ERC2: variants seen among roughly 807,000 people sequenced by gnomAD.
ERC2 encodes the protein ELKS/RAB6-interacting/CAST family member 2, also known as ERC protein 2.
A neutral mutation model predicts 114.8 loss-of-function variants in ERC2; 42 were observed. The ratio of observed to expected loss-of-function variants is 0.37; its 90% confidence interval spans 0.29 to 0.47. The LOEUF (loss-of-function observed/expected upper bound fraction) is 0.47, where lower values mean the gene tolerates loss of function less well. Among genes scored for constraint, ERC2 ranks in the 20% least tolerant of loss-of-function variants. ERC2 has a pLI of 0.99. For missense variants in ERC2, 939 were observed against 1,150.7 expected (o/e 0.82, Z 2.66); for synonymous variants, 454 against 425.5 (o/e 1.07, Z -0.82).
intron 12 of ERC2, among the ~76,000 whole-genome samples, chr3:55,955,576 ATTGC>A (rs1168847128): frequency 6.6e-6 from 1 of 152,210 alleles, no homozygotes; most frequent in Non-Finnish European, 1.5e-5. Context: ...ATTACAGTTC[ATTGC>A]TTATTGCTGA....
chr3:56,179,770 G>A (rs1249971961), intron 3 of ERC2, among the ~76,000 whole-genome samples: 1 of 151,930 alleles, frequency 6.6e-6, no homozygotes, highest in Non-Finnish European at 1.5e-5. Context: ...GGAACTAAGA[G>A]TTTTGGTTTT....
chr3:55,836,593 C>A lies in ERC2; in HGVS notation c.2564+51796G>T, dbSNP rs528458064. Reference sequence around the variant, plus strand: ...TGGATCCCTTCCTTACACCTTATACCAAAATTAATTCAAGATGGATTAAAG... The same window carrying A: ...TGGATCCCTTCCTTACACCTTATACAAAAATTAATTCAAGATGGATTAAAG... On this transcript the variant is annotated intron_variant, in intron 14 of 17. Transcript: ENST00000288221. 1.2e-3 allele frequency among the ~76,000 whole-genome samples: 183 copies of A among 151,962 alleles called. 2 individuals carry two copies. In the East Asian group the frequency reaches 0.027, roughly 22 times the overall value.
At chr3:56,271,341 T>G (rs909829892) in intron 3 of ERC2, among the ~76,000 whole-genome samples, 1 of 152,214 alleles carries the variant, frequency 6.6e-6, no homozygotes, top group African/African-American at 2.4e-5. Context: ...CCTGGAGATA[T>G]GGTTATGCAC....
At chr3:55,645,365 CAT>C (rs1223067137) in intron 17 of ERC2, among the ~76,000 whole-genome samples, 1 of 152,204 alleles carries the variant, frequency 6.6e-6, no homozygotes, top group African/African-American at 2.4e-5. Context: ...ATATTTGAGA[CAT>C]GTGCCACTTT....
At chr3:55,998,534 G>A (rs1217378784) in intron 10 of ERC2, among the ~76,000 whole-genome samples, 2 of 152,148 alleles carry the variant, frequency 1.3e-5, no homozygotes, top group Non-Finnish European at 2.9e-5. Flanking sequence ...CACATGCTAT[G>A]TGCATGCCTG....
rs115101437 is a variant in ERC2 at position 55,578,128 on chromosome 3, T to G, written c.*40-66852A>C. On this transcript the variant is annotated intron_variant, in intron 17 of 17. Coordinates refer to ENST00000288221, the MANE Select transcript of ERC2 (RefSeq NM_015576.3). ...CATCCTCATCTGAGTTCCCAGCATC[T>G]CTCATCTGACTTCTGCAGTGGTCTA... 2.5e-3 allele frequency among the ~76,000 whole-genome samples: 380 copies of G among 152,334 alleles called. 3 individuals carry two copies. Among genetic ancestry groups the G allele is most frequent in the African/African-American group, 8.3e-3 (344 of 41,578 alleles).
intron 2 of ERC2, among the ~76,000 whole-genome samples, chr3:56,357,382 C>T (rs991327714): frequency 3.3e-5 from 5 of 152,212 alleles, no homozygotes; most frequent in African/African-American, 1.2e-4. Flanking sequence ...AGGAACTTCA[C>T]AAGCTTGCCC....
chr3:55,921,341 G>T (rs572293510), intron 13 of ERC2, among the ~76,000 whole-genome samples: 1 of 152,120 alleles, frequency 6.6e-6, no homozygotes, highest in East Asian at 1.9e-4. Flanking sequence ...TGGGGAAGAG[G>T]GGGCAGGGTC....
At chr3:55,734,013 G>A (rs1285820655) in intron 15 of ERC2, among the ~76,000 whole-genome samples, 2 of 152,172 alleles carry the variant, frequency 1.3e-5, no homozygotes, top group Non-Finnish European at 2.9e-5. Context: ...AATATCATCT[G>A]AAAATTTCAT....
intron 2 of ERC2, among the ~76,000 whole-genome samples, chr3:56,327,655 A>G (rs2057424749): frequency 1.3e-5 from 2 of 152,138 alleles, no homozygotes; most frequent in South Asian, 4.1e-4. Context: ...CGGTCTGGAT[A>G]ACAGAGCAAG....
intron 2 of ERC2, among the ~76,000 whole-genome samples, chr3:56,368,712 C>G (rs557332934): frequency 6.6e-6 from 1 of 151,956 alleles, no homozygotes; most frequent in Non-Finnish European, 1.5e-5. Context: ...AATATTACAA[C>G]GGAATCATGT....
chr3:56,249,174 C>A (rs1365127819), intron 3 of ERC2, among the ~76,000 whole-genome samples: 1 of 152,204 alleles, frequency 6.6e-6, no homozygotes, highest in Non-Finnish European at 1.5e-5. Context: ...GGCCACTCAG[C>A]TTAGCCCACC....
chr3:56,422,438 G>A (rs1053600501), intron 2 of ERC2, among the ~76,000 whole-genome samples: 1 of 152,034 alleles, frequency 6.6e-6, no homozygotes, highest in Admixed American at 6.5e-5. Flanking sequence ...CTTCTGGATG[G>A]GTTTCCAAGA....
chr3:55,563,775 A>G (rs915645438), intron 17 of ERC2, among the ~76,000 whole-genome samples: 5 of 152,058 alleles, frequency 3.3e-5, no homozygotes, highest in Non-Finnish European at 5.9e-5. Context: ...AAAGATAGAG[A>G]GATAGACAGA....
chr3:56,059,082 T>G (rs2149702372), intron 7 of ERC2, among the ~76,000 whole-genome samples: 1 of 92,486 alleles, frequency 1.1e-5, no homozygotes, highest in Non-Finnish European at 2.5e-5. Flanking sequence ...AAGATATCTT[T>G]TTTTTATTTT....
At chr3:56,171,309 G>A (rs2082652685) in intron 4 of ERC2, among the ~76,000 whole-genome samples, 2 of 152,166 alleles carry the variant, frequency 1.3e-5, no homozygotes, top group South Asian at 4.1e-4. Context: ...TGGCTGGGAT[G>A]ACCCTCCACC....
intron 17 of ERC2, among the ~76,000 whole-genome samples, chr3:55,647,429 C>T (rs1464233247): frequency 1.3e-5 from 2 of 152,068 alleles, no homozygotes; most frequent in Non-Finnish European, 2.9e-5. Context: ...CACACACAGG[C>T]GCACCCACAA....
intron 6 of ERC2, among the ~76,000 whole-genome samples, chr3:56,128,609 G>A (rs954789087): frequency 6.6e-6 from 1 of 152,188 alleles, no homozygotes; most frequent in African/African-American, 2.4e-5. Flanking sequence ...GGATGAGAAT[G>A]AGGTTGAAAA....
intron 7 of ERC2, among the ~76,000 whole-genome samples, chr3:56,044,263 C>T (rs1442866286): frequency 6.6e-6 from 1 of 152,110 alleles, no homozygotes; most frequent in Non-Finnish European, 1.5e-5. Flanking sequence ...CATTCTAAGA[C>T]AGCTATAAAA....
Sources: allele counts gnomAD v4.1 joint callset (sites outside exome capture counted in the v4.1 genomes callset), GRCh38; gene constraint gnomAD v4.1.1; transcripts MANE v1.5; gene names NCBI Gene and HGNC (gene_info 2026-07-23, HGNC 2026-07-21).